The following POLK variants were observed in gnomAD, a reference collection of about 807,000 sequenced individuals.
The protein encoded by POLK is DNA polymerase kappa.
A neutral mutation model predicts 94.0 loss-of-function variants in POLK; 76 were observed. The ratio of observed to expected loss-of-function variants is 0.81; its 90% CI spans 0.67 to 0.98. The LOEUF is 0.98. POLK is among the 50% of genes least tolerant of loss of function. The probability of loss-of-function intolerance (pLI) is 0.00; values close to 1 mark genes in which losing one functional copy is unlikely to be tolerated. For missense variants in POLK, 954 were observed against 1,010.1 expected, an observed-to-expected ratio of 0.94 and a Z score of 0.75; for synonymous variants, 349 against 325.4, an observed-to-expected ratio of 1.07 and a Z score of -0.78.
At chr5:75,557,427 G>A (rs1770692474) in intron 3 of POLK, among the ~76,000 whole-genome samples, 1 of 152,204 alleles carries the variant, frequency 6.6e-6, no homozygotes, top group African/African-American at 2.4e-5. Context: ...GGAAGAACTG[G>A]CATTTGATAA....
At chr5:75,590,588 G>T in intron 11 of POLK, 148 bp downstream of exon 11, 1 of 591,632 alleles carries the variant, frequency 1.7e-6, no homozygotes, top group Admixed American at 2.8e-5. Context: ...CCAACAGTCA[G>T]ATACAAATCC....
chr5:75,512,635 T>A (rs1470538512), intron 1 of POLK: 1 of 152,228 alleles, frequency 6.6e-6, no homozygotes, highest in East Asian at 1.9e-4. Context: ...CAATAGAAGA[T>A]CTAACAACTC....
intron 3 of POLK, among the ~76,000 whole-genome samples, chr5:75,564,630 A>G (rs1157160791): frequency 6.6e-6 from 1 of 152,082 alleles, no homozygotes; most frequent in South Asian, 2.1e-4. Flanking sequence ...AAAGGATTTT[A>G]TTTCTCCTTC....
downstream of POLK, among the ~76,000 whole-genome samples, chr5:75,603,929 C>T (rs1224048584): frequency 6.6e-6 from 1 of 152,206 alleles, no homozygotes; most frequent in Non-Finnish European, 1.5e-5. Flanking sequence ...TGCATGGCCC[C>T]CGATGTTGGT....
At chr5:75,538,129 T>G (rs1769545746) in intron 1 of POLK, among the ~76,000 whole-genome samples, 1 of 152,218 alleles carries the variant, frequency 6.6e-6, no homozygotes, top group South Asian at 2.1e-4. Flanking sequence ...GTGCTGAGAT[T>G]ACAGGCTTGA....
chr5:75,593,637 A>G (rs1447217959), intron 11 of POLK, among the ~76,000 whole-genome samples: 2 of 152,068 alleles, frequency 1.3e-5, no homozygotes, highest in African/African-American at 4.8e-5. Flanking sequence ...TGTGGCCAGG[A>G]ATTTGAGACT....
intron 11 of POLK, among the ~76,000 whole-genome samples, chr5:75,592,390 C>T (rs994492355): frequency 6.6e-6 from 1 of 152,160 alleles, no homozygotes; most frequent in African/African-American, 2.4e-5. Flanking sequence ...ATCATTTAAC[C>T]TTTCCCTCTT....
At chr5:75,511,642 CCT>C (rs1768013085), upstream of POLK, 3 of 1,503,798 alleles carry the variant, frequency 2.0e-6, no homozygotes, top group Admixed American at 6.3e-5. Flanking sequence ...CCTCCCCTCC[CCT>C]GTCCTTTCCC....
At chr5:75,567,104 T>TG (rs1771317434) in intron 3 of POLK, among the ~76,000 whole-genome samples, 1 of 152,186 alleles carries the variant, frequency 6.6e-6, no homozygotes. Flanking sequence ...CAACTACACT[T>TG]GCTTTAAGCA....
At chr5:75,604,856 A>C (rs577861834), downstream of POLK, among the ~76,000 whole-genome samples, 7 of 152,348 alleles carry the variant, frequency 4.6e-5, no homozygotes, top group Admixed American at 4.6e-4. Flanking sequence ...TTTGTAATAC[A>C]TAACTGAATT....
At chr5:75,543,620 C>T (rs1332266645) in intron 1 of POLK, among the ~76,000 whole-genome samples, 1 of 152,090 alleles carries the variant, frequency 6.6e-6, no homozygotes, top group Non-Finnish European at 1.5e-5. Context: ...TTGACTGGTG[C>T]TATAAACCTG....
At chr5:75,530,616 A>G (rs2112569917) in intron 1 of POLK, among the ~76,000 whole-genome samples, 1 of 151,194 alleles carries the variant, frequency 6.6e-6, no homozygotes, top group Non-Finnish European at 1.5e-5. Flanking sequence ...ATGCATGTAA[A>G]ATACTATAAG....
chr5:75,587,305 A>T (rs554138135), intron 10 of POLK, among the ~76,000 whole-genome samples: 8 of 152,316 alleles, frequency 5.3e-5, no homozygotes, highest in South Asian at 4.1e-4. Flanking sequence ...AGTGAAAACC[A>T]AGCATTTTAG....
intron 1 of POLK, among the ~76,000 whole-genome samples, chr5:75,522,869 A>G (rs1415472800): frequency 2.0e-5 from 3 of 152,110 alleles, no homozygotes; most frequent in Non-Finnish European, 4.4e-5. Flanking sequence ...TTAAAAAAAA[A>G]GAATCCTTTT....
chr5:75,608,050 C>T, the POLK span, among the ~76,000 whole-genome samples: 1 of 152,052 alleles, frequency 6.6e-6, no homozygotes, highest in Non-Finnish European at 1.5e-5. Flanking sequence ...TTAGTCTAGA[C>T]CTTTAGGGGA....
intron 6 of POLK, among the ~76,000 whole-genome samples, chr5:75,577,273 G>A (rs1357254746): frequency 3.3e-5 from 5 of 152,060 alleles, no homozygotes; most frequent in South Asian, 2.1e-4. Context: ...TGTTTAAAGC[G>A]GCCTTTTCTT....
chr5:75,511,554 G>A, upstream of POLK: 1 of 1,458,418 alleles, frequency 6.9e-7, no homozygotes. Context: ...GAAGGGAAGA[G>A]AAAATCCGGC....
In POLK at chr5:75,567,096, A is replaced by G. The variant is rs5744627; in HGVS notation, c.256-2244A>G. On this transcript the variant is annotated intron_variant, in intron 3 of 14. Coordinates refer to ENST00000241436, the Ensembl canonical transcript of POLK. ...GCAGTGGAGAGGTTTCCTTTTGGCAACTACACTTGCTTTAAGCACAAAAAA... is the reference window on the plus strand; with the variant it reads ...GCAGTGGAGAGGTTTCCTTTTGGCAGCTACACTTGCTTTAAGCACAAAAAA... Among the ~76,000 whole-genome samples the G allele has an allele frequency of 1.2e-4, 19 of 152,302 alleles. No individual in the cohort carries two copies. The East Asian group carries it at 3.7e-3, about 29-fold the overall frequency.
chr5:75,584,703 C>G, intron 8 of POLK, 57 bp from the exon 9 acceptor site: 1 of 1,019,604 alleles, frequency 9.8e-7, no homozygotes, highest in East Asian at 2.8e-5. Context: ...AGGTTGTAAT[C>G]TCAATTTTTA....
Sources: allele counts gnomAD v4.1 joint callset (sites outside exome capture counted in the v4.1 genomes callset), GRCh38; gene constraint gnomAD v4.1.1; transcripts MANE v1.5; gene names NCBI Gene and HGNC (gene_info 2026-07-23, HGNC 2026-07-21).